G3BP2: variants seen among roughly 807,000 people sequenced by gnomAD.
The protein encoded by G3BP2 is G3BP stress granule assembly factor 2.
A neutral mutation model predicts 56.7 loss-of-function variants in G3BP2; 11 were observed. That is an observed-to-expected ratio of 0.19 (90% CI 0.12 to 0.32). The LOEUF (loss-of-function observed/expected upper bound fraction) is 0.32, where lower values mean the gene tolerates loss of function less well. Ranked by LOEUF, G3BP2 falls within the 10% of genes least tolerant of loss-of-function variation. The pLI, the probability that G3BP2 is intolerant of heterozygous loss-of-function variation, is 1.00. For missense variants in G3BP2, 340 were observed against 610.9 expected (o/e 0.56, Z 4.67); for synonymous variants, 165 against 191.6 (o/e 0.86, Z 1.15).
chr4:75,655,954 G>A, intron 5 of G3BP2, 84 bp from the exon 6 acceptor site: 1 of 744,860 alleles, frequency 1.3e-6, no homozygotes, highest in Non-Finnish European at 2.3e-6. Context: ...TTAAGGAAGT[G>A]GTATGATAGC....
At chr4:75,648,942 T>G (rs1731454506) in intron 8 of G3BP2, 4 of 418,482 alleles carry the variant, frequency 9.6e-6, no homozygotes, top group Non-Finnish European at 1.7e-5. Flanking sequence ...AGCTTTTGTT[T>G]TCCCACTTAA....
chr4:75,685,500 C>CAAAA (rs36037063), intron 3 of G3BP2, among the ~76,000 whole-genome samples: 1 of 84,698 alleles, frequency 1.2e-5, no homozygotes, highest in Non-Finnish European at 2.4e-5. Context: ...GACTCCGTCT[C>CAAAA]AAAAAAAAAA....
rs185212053 is a variant in G3BP2 at position 75,700,021 on chromosome 4, C to T, written c.-25+20856G>A. On this transcript the variant is annotated intron_variant, in intron 3 of 3. Transcript: ENST00000499709. Reference sequence around the variant, plus strand: ...TTGTTAAAATATGCAAAGAAATCAACATAAAATAAAAGCACCAGTACTCAA... The same window carrying T: ...TTGTTAAAATATGCAAAGAAATCAATATAAAATAAAAGCACCAGTACTCAA... 4.0e-3 allele frequency among the ~76,000 whole-genome samples: 610 copies of T among 152,144 alleles called. 4 individuals carry two copies. The highest frequency in any genetic ancestry group is 0.014 in the African/African-American group (590 of 41,514).
intron 3 of G3BP2, among the ~76,000 whole-genome samples, chr4:75,687,557 C>G (rs1417077071): frequency 6.6e-6 from 1 of 152,216 alleles, no homozygotes; most frequent in Non-Finnish European, 1.5e-5. Flanking sequence ...TGAGACAACA[C>G]TTGTCATAGA....
chr4:75,716,049 T>C (rs1051511117), intron 3 of G3BP2, among the ~76,000 whole-genome samples: 3 of 152,192 alleles, frequency 2.0e-5, no homozygotes, highest in Non-Finnish European at 4.4e-5. Flanking sequence ...AGAGCACATC[T>C]AGGACTAGGG....
chr4:75,713,812 A>C (rs977197687), intron 3 of G3BP2, among the ~76,000 whole-genome samples: 1 of 152,202 alleles, frequency 6.6e-6, no homozygotes, highest in Non-Finnish European at 1.5e-5. Flanking sequence ...AAACCAAAAA[A>C]GTGGTAACAC....
At chr4:75,684,935 A>G (rs1718521143) in intron 3 of G3BP2, among the ~76,000 whole-genome samples, 1 of 152,154 alleles carries the variant, frequency 6.6e-6, no homozygotes, top group Non-Finnish European at 1.5e-5. Context: ...AAGGCTTTAT[A>G]GTATAAAGAA....
intron 3 of G3BP2, among the ~76,000 whole-genome samples, chr4:75,698,571 C>T (rs560367119): frequency 5.2e-4 from 79 of 152,298 alleles, no homozygotes; most frequent in African/African-American, 1.8e-3. Context: ...ATTTACCCTC[C>T]TACTCTCCTA....
chr4:75,712,002 C>T (rs1488254085), intron 3 of G3BP2, among the ~76,000 whole-genome samples: 2 of 152,128 alleles, frequency 1.3e-5, no homozygotes. Flanking sequence ...AATAATCACA[C>T]AAAACCCTTC....
chr4:75,710,492 C>A, intron 3 of G3BP2, among the ~76,000 whole-genome samples: 1 of 152,140 alleles, frequency 6.6e-6, no homozygotes, highest in East Asian at 1.9e-4. Flanking sequence ...GACCCTTTAA[C>A]AATAGGGGTT....
intron 3 of G3BP2, among the ~76,000 whole-genome samples, chr4:75,695,808 T>C (rs1381345507): frequency 1.3e-5 from 2 of 151,934 alleles, no homozygotes; most frequent in Non-Finnish European, 2.9e-5. Context: ...AACCCGTCTC[T>C]ACTAAAAATA....
chr4:75,720,453 G>T (rs1265999039), intron 3 of G3BP2, among the ~76,000 whole-genome samples: 1 of 149,366 alleles, frequency 6.7e-6, no homozygotes, highest in African/African-American at 2.5e-5. Flanking sequence ...AGTGAGCTGA[G>T]ATCGCGTCAC....
At position 75,673,301 on chromosome 4, in the gene G3BP2, T is replaced by C; in HGVS notation, c.-118A>G. 1 of 1,228,632 alleles carries C rather than the reference T, an allele frequency of 8.1e-7. No homozygotes were observed. Among genetic ancestry groups the C allele is most frequent in the African/African-American group, 1.6e-5 (1 of 64,420 alleles). The allele number at this position is 1,228,632 out of a possible 1,614,324, so 76.1% of individuals were successfully genotyped here. ...GGGTTCTTATTGCTCGCCGCCCCCT[T>C]CCTCCGACAACTCGGAAGCCTCGGA... On this transcript the variant is annotated 5_prime_UTR_variant, in exon 1 of 12. Coordinates refer to ENST00000359707, the MANE Select transcript of G3BP2 (RefSeq NM_203505.3).
chr4:75,667,867 C>T (rs919111230), intron 1 of G3BP2, among the ~76,000 whole-genome samples: 1 of 152,120 alleles, frequency 6.6e-6, no homozygotes, highest in African/African-American at 2.4e-5. Flanking sequence ...TCAGCCTGGG[C>T]AACAAGAGCG....
intron 3 of G3BP2, among the ~76,000 whole-genome samples, chr4:75,713,859 G>A (rs985357352): frequency 1.3e-5 from 2 of 152,168 alleles, no homozygotes; most frequent in Non-Finnish European, 2.9e-5. Context: ...TACTTTCTGA[G>A]AGGATATACT....
intron 3 of G3BP2, among the ~76,000 whole-genome samples, chr4:75,691,067 C>T (rs1451221439): frequency 6.6e-6 from 1 of 151,622 alleles, no homozygotes; most frequent in Admixed American, 6.6e-5. Flanking sequence ...TACAAATGTA[C>T]ATTTTGTTTC....
intron 5 of G3BP2, among the ~76,000 whole-genome samples, chr4:75,656,323 T>A (rs374988395): frequency 1.2e-4 from 18 of 151,972 alleles, no homozygotes; most frequent in African/African-American, 4.3e-4. Context: ...ACAAAGGCAT[T>A]CAACTACAAT....
At chr4:75,656,670 T>C (rs866769594) in intron 5 of G3BP2, among the ~76,000 whole-genome samples, 7 of 152,258 alleles carry the variant, frequency 4.6e-5, no homozygotes, top group South Asian at 2.1e-4. Flanking sequence ...CCTTCTCCAA[T>C]AGGCACCAAA....
intron 3 of G3BP2, among the ~76,000 whole-genome samples, chr4:75,701,357 A>G (rs1719335961): frequency 6.6e-6 from 1 of 151,466 alleles, no homozygotes; most frequent in African/African-American, 2.4e-5. Context: ...CAGTGGCACT[A>G]TCTAAGCTCA....
Sources: allele counts gnomAD v4.1 joint callset (sites outside exome capture counted in the v4.1 genomes callset), GRCh38; gene constraint gnomAD v4.1.1; transcripts MANE v1.5; gene names NCBI Gene and HGNC (gene_info 2026-07-23, HGNC 2026-07-21).